TTC12: variants seen among roughly 807,000 people sequenced by gnomAD.
TTC12 encodes the protein tetratricopeptide repeat protein 12.
Under a neutral mutation model 90.1 loss-of-function variants are expected in TTC12, and 70 were observed. The ratio of observed to expected loss-of-function variants is 0.78; its 90% CI spans 0.64 to 0.95. TTC12 has a LOEUF of 0.95. Ranked by LOEUF, TTC12 falls within the 40% of genes least tolerant of loss-of-function variation. TTC12 has a pLI of 0.00. For synonymous variants in TTC12, 296 were observed against 311.5 expected (o/e 0.95, Z 0.53); for missense variants, 819 against 846.1 (o/e 0.97, Z 0.40).
chr11:113,338,901 C>A, intron 9 of TTC12, 67 bp downstream of exon 9: 7 of 1,443,490 alleles, frequency 4.8e-6, no homozygotes, highest in Non-Finnish European at 4.9e-6. Flanking sequence ...CCTTAGAATG[C>A]CTTCCGTGCT....
chr11:113,346,233 C>T (rs1452276006), intron 13 of TTC12, among the ~76,000 whole-genome samples: 1 of 152,096 alleles, frequency 6.6e-6, no homozygotes, highest in Non-Finnish European at 1.5e-5. Flanking sequence ...CAATTCCCTG[C>T]ATGTCTCTGC....
intron 2 of TTC12, among the ~76,000 whole-genome samples, chr11:113,321,684 G>A (rs10891534): frequency 0.25 from 37,358 of 152,146 alleles, 5,273 homozygotes; most frequent in East Asian, 0.34. Flanking sequence ...GGTTGGCCAT[G>A]TGTGTTGCTT....
At chr11:113,321,664 C>G (rs568632649) in intron 2 of TTC12, among the ~76,000 whole-genome samples, 206 of 152,286 alleles carry the variant, frequency 1.4e-3, no homozygotes, top group Non-Finnish European at 1.9e-3. Context: ...TTCTCTGCCA[C>G]TTGAATCTGG....
At chr11:113,324,500 A>C (rs570912421) in intron 4 of TTC12, 105 bp from the exon 5 acceptor site, 2 of 784,788 alleles carry the variant, frequency 2.5e-6, no homozygotes, top group Non-Finnish European at 4.2e-6. Context: ...GCCTGTGTGC[A>C]TATGCATACG....
chr11:113,339,501 T>A (rs782663506), intron 10 of TTC12, 27 bp downstream of exon 10: 1 of 1,587,632 alleles, frequency 6.3e-7, no homozygotes, highest in Non-Finnish European at 8.6e-7. Context: ...TGTGATCTCA[T>A]GAGTGCTGTC....
At chr11:113,357,975 C>T (rs912306773) in intron 16 of TTC12, among the ~76,000 whole-genome samples, 30 of 152,336 alleles carry the variant, frequency 2.0e-4, no homozygotes, top group Admixed American at 7.2e-4. Flanking sequence ...TGCCTCCCTG[C>T]GGGTGTTTGC....
At position 113,352,210 on chromosome 11, in the gene TTC12, A is replaced by G. The variant is rs782720471; in HGVS notation, c.1446+3A>G. On this transcript the variant is annotated splice_donor_region_variant and intron_variant, in intron 16 of 21. Coordinates refer to ENST00000529221, the MANE Select transcript of TTC12 (RefSeq NM_017868.4). ...GGGATGGCTGCTTGAGCCTCCTGGT[A>G]TGTTAGCTTTTCTATTCAAAATTGG... 5.6e-6 allele frequency: 9 copies of G among 1,614,024 alleles called. No homozygotes were observed. Among genetic ancestry groups the G allele is most frequent in the Admixed American group, 3.3e-5 (2 of 59,996 alleles).
intron 11 of TTC12, 81 bp from the exon 12 acceptor site, chr11:113,341,756 G>T: frequency 3.9e-6 from 4 of 1,032,716 alleles, no homozygotes; most frequent in Non-Finnish European, 3.1e-6. Context: ...GGTGAATCTA[G>T]GGGTGAAATA....
intron 2 of TTC12, among the ~76,000 whole-genome samples, chr11:113,319,540 C>T (rs1291382826): frequency 6.6e-6 from 1 of 151,968 alleles, no homozygotes; most frequent in Non-Finnish European, 1.5e-5. Context: ...GTAAAAATGT[C>T]AATTTTTAAA....
Position 113,359,451 on chromosome 11 carries a change from T to C in TTC12, c.1535T>C (p.Phe512Ser). The change falls in exon 17 of 22, where the codon TTT becomes TCT. Residue 512 changes from phenylalanine (F) to serine (S), a missense_variant. Physicochemically the swap from Phe to Ser is radical, Grantham distance 155. Coordinates refer to ENST00000529221, the MANE Select transcript of TTC12 (RefSeq NM_017868.4). The stretch of plus-strand genomic sequence containing the variant: ...ATGAACCTGTGTCTTCAGGCTCCCT[T>C]TGTCTCTGAGGTATGGCATTCTTGT... The part of the protein sequence containing the change: ...LMMNLCLQAP[F>S]VSEVWAVEVS... 6 of 1,612,172 alleles carry C rather than the reference T, an allele frequency of 3.7e-6. No homozygotes were observed. Among genetic ancestry groups the C allele is most frequent in the Non-Finnish European group, 5.1e-6 (6 of 1,178,236 alleles).
intron 12 of TTC12, 56 bp from the exon 13 acceptor site, chr11:113,344,216 G>A (rs1948824403): frequency 6.5e-7 from 1 of 1,550,116 alleles, no homozygotes; most frequent in Non-Finnish European, 8.8e-7. Flanking sequence ...GGGTGACAGA[G>A]CTAGTTTAAT....
intron 13 of TTC12, among the ~76,000 whole-genome samples, chr11:113,348,013 A>G (rs781951533): frequency 2.6e-5 from 4 of 151,906 alleles, no homozygotes; most frequent in Non-Finnish European, 5.9e-5. Flanking sequence ...AAGCCCCCCT[A>G]TGCTATCACC....
chr11:113,328,432 T>C (rs538407806), intron 6 of TTC12, among the ~76,000 whole-genome samples: 2 of 152,338 alleles, frequency 1.3e-5, no homozygotes, highest in Non-Finnish European at 2.9e-5. Context: ...CACGGAATTC[T>C]GAGTCAATTC....
At chr11:113,334,102 G>A (rs1555143317) in intron 7 of TTC12, among the ~76,000 whole-genome samples, 2 of 152,154 alleles carry the variant, frequency 1.3e-5, no homozygotes, top group African/African-American at 2.4e-5. Flanking sequence ...AGCAGAACAA[G>A]GATCCACCCC....
intron 6 of TTC12, among the ~76,000 whole-genome samples, chr11:113,326,121 A>T (rs1298426734): frequency 1.3e-5 from 2 of 152,150 alleles, no homozygotes; most frequent in African/African-American, 2.4e-5. Flanking sequence ...TGCGACAGGG[A>T]TAAAGTGGAT....
intron 16 of TTC12, 71 bp downstream of exon 16, chr11:113,352,278 G>C: frequency 1.2e-6 from 2 of 1,600,246 alleles, no homozygotes; most frequent in Non-Finnish European, 1.7e-6. Context: ...TTAGTTATCT[G>C]ACTTTTCCAA....
intron 19 of TTC12, among the ~76,000 whole-genome samples, 170 bp from the exon 20 acceptor site, chr11:113,363,658 G>A (rs1395576805): frequency 6.6e-6 from 1 of 152,200 alleles, no homozygotes; most frequent in South Asian, 2.1e-4. Flanking sequence ...GTGACACTCT[G>A]TTCCAGCAGG....
Position 113,350,376 on chromosome 11 carries a change from C to T in TTC12, c.1247+211C>T, listed in dbSNP as rs112836169. Reference sequence around the variant, plus strand: ...CTGCATAGAGGCTGACCCGGGCCTCCATGGGTTTGGAAGCAGCAGCATACT... The same window carrying T: ...CTGCATAGAGGCTGACCCGGGCCTCTATGGGTTTGGAAGCAGCAGCATACT... On this transcript the variant is annotated intron_variant, in intron 14 of 21. Coordinates refer to ENST00000529221, the MANE Select transcript of TTC12 (RefSeq NM_017868.4). Among the ~76,000 whole-genome samples, 617 of 152,290 alleles carry T rather than the reference C, an allele frequency of 4.1e-3. 3 individuals carry two copies. Among genetic ancestry groups the T allele is most frequent in the African/African-American group, 0.014 (576 of 41,558 alleles).
chr11:113,318,775 A>G (rs1947112235), intron 2 of TTC12, among the ~76,000 whole-genome samples: 1 of 152,168 alleles, frequency 6.6e-6, no homozygotes, highest in Non-Finnish European at 1.5e-5. Flanking sequence ...GTGAAGAAAG[A>G]GTGTGGTGCT....
Sources: gnomAD v4.1 joint callset for allele counts (sites outside exome capture counted in the v4.1 genomes callset) on GRCh38, gnomAD v4.1.1 for gene constraint, MANE v1.5 for transcripts, NCBI Gene and HGNC (gene_info 2026-07-23, HGNC 2026-07-21) for gene names.